The following WWOX variants were observed in gnomAD, a reference collection of about 807,000 sequenced individuals.
WWOX encodes WW domain containing oxidoreductase.
WWOX carries 69 observed loss-of-function variants against 46.2 expected under a neutral mutation model. The observed-to-expected ratio is 1.49, with a 90% CI of 1.23 to 1.82. The LOEUF is 1.82. WWOX is among the 40% of genes most tolerant of loss of function. The probability of loss-of-function intolerance (pLI) is 0.00; values close to 1 mark genes in which losing one functional copy is unlikely to be tolerated. For missense variants in WWOX, 919 were observed against 542.6 expected (o/e 1.69, Z -6.89); for synonymous variants, 359 against 202.6 (o/e 1.77, Z -6.56).
At chr16:79,037,127 C>T (rs768022421) in intron 8 of WWOX, among the ~76,000 whole-genome samples, 1 of 152,164 alleles carries the variant, frequency 6.6e-6, no homozygotes, top group Non-Finnish European at 1.5e-5. Context: ...TGTAATCTCT[C>T]TCAAGGAAGG....
intron 1 of WWOX, among the ~76,000 whole-genome samples, chr16:78,100,567 A>G (rs747190143): frequency 5.3e-5 from 8 of 152,222 alleles, no homozygotes; most frequent in Non-Finnish European, 1.0e-4. Context: ...ATTTTTTAGT[A>G]GCAGTCCTAG....
intron 8 of WWOX, among the ~76,000 whole-genome samples, chr16:78,972,539 G>T (rs1352844953): frequency 1.3e-5 from 2 of 151,694 alleles, no homozygotes; most frequent in African/African-American, 4.8e-5. Context: ...GGGGGAGGGA[G>T]GGTGAAGAGT....
At chr16:78,559,532 T>G (rs2044384063) in intron 8 of WWOX, among the ~76,000 whole-genome samples, 1 of 152,230 alleles carries the variant, frequency 6.6e-6, no homozygotes, top group Non-Finnish European at 1.5e-5. Context: ...TGGATCACCT[T>G]GTTAATATGG....
chr16:78,659,751 C>T (rs1392288977), intron 8 of WWOX, among the ~76,000 whole-genome samples: 2 of 152,128 alleles, frequency 1.3e-5, no homozygotes, highest in African/African-American at 4.8e-5. Flanking sequence ...TATTTGCCCA[C>T]ATGAAGATAG....
At chr16:79,163,736 G>T (rs562988695) in intron 8 of WWOX, among the ~76,000 whole-genome samples, 2 of 149,392 alleles carry the variant, frequency 1.3e-5, no homozygotes, top group South Asian at 4.2e-4. Flanking sequence ...GGCGGAGGTT[G>T]CAGTGAGCTG....
chr16:78,644,884 C>A (rs76243692), intron 8 of WWOX, among the ~76,000 whole-genome samples: 1 of 151,980 alleles, frequency 6.6e-6, no homozygotes, highest in African/African-American at 2.4e-5. Flanking sequence ...AAAATCGGGA[C>A]GGCATGTTAG....
intron 8 of WWOX, among the ~76,000 whole-genome samples, chr16:78,988,854 G>A (rs768529858): frequency 6.6e-6 from 1 of 152,102 alleles, no homozygotes. Flanking sequence ...ATGTTGCTGC[G>A]AGCCCCAATC....
intron 8 of WWOX, among the ~76,000 whole-genome samples, chr16:78,887,044 G>A (rs1418149475): frequency 6.7e-6 from 1 of 149,946 alleles, no homozygotes; most frequent in African/African-American, 2.5e-5. Context: ...TGGAAGTGAT[G>A]AAGTGACAGT....
intron 8 of WWOX, among the ~76,000 whole-genome samples, chr16:78,600,870 C>T (rs907270471): frequency 1.3e-5 from 2 of 152,132 alleles, no homozygotes; most frequent in African/African-American, 4.8e-5. Flanking sequence ...AATCCTCTGC[C>T]TATCGTGACA....
chr16:78,378,219 G>A lies in WWOX; in HGVS notation c.517-8641G>A, dbSNP rs181978316. ...TGTGGAATCATCTCCAAAAGTGTTT[G>A]TTTATTAAAAGCAAAGTGATAAAAT... On this transcript the variant is annotated intron_variant, in intron 5 of 8. Coordinates refer to ENST00000566780, the MANE Select transcript of WWOX (RefSeq NM_016373.4). 1.4e-3 allele frequency among the ~76,000 whole-genome samples: 210 copies of A among 152,096 alleles called. 3 individuals are homozygous for A. The Middle Eastern group carries it at 0.024, about 17-fold the overall frequency.
At chr16:78,643,090 G>T (rs769322001) in intron 8 of WWOX, among the ~76,000 whole-genome samples, 1 of 152,148 alleles carries the variant, frequency 6.6e-6, no homozygotes. Flanking sequence ...AAGATAAGGT[G>T]CTCTCCATTG....
At chr16:78,548,976 A>G (rs1018460344) in intron 8 of WWOX, among the ~76,000 whole-genome samples, 1 of 152,066 alleles carries the variant, frequency 6.6e-6, no homozygotes, top group South Asian at 2.1e-4. Context: ...TTTCCAACAG[A>G]TGGATGGGTT....
Position 78,372,055 on chromosome 16 carries a change from G to A in WWOX, c.517-14805G>A, listed in dbSNP as rs560209553. ...TTTATATTCCACTGGCCAACTCTAAGTCTCACGGCTATGCCTAATTGTGAA... is the reference window on the plus strand; with the variant it reads ...TTTATATTCCACTGGCCAACTCTAAATCTCACGGCTATGCCTAATTGTGAA... On this transcript the variant is annotated intron_variant, in intron 5 of 8. Transcript: ENST00000566780. Among the ~76,000 whole-genome samples the A allele has an allele frequency of 3.4e-4, 52 of 152,244 alleles. 1 individual carries two copies. The highest frequency in any genetic ancestry group is 2.1e-3 in the South Asian group (10 of 4,824).
chr16:78,243,796 C>T (rs75532289), intron 5 of WWOX, among the ~76,000 whole-genome samples: 9,872 of 152,278 alleles, frequency 0.065, 461 homozygotes, highest in Admixed American at 0.16. Flanking sequence ...ATCTGCCTGC[C>T]TCGGCCTCCC....
intron 8 of WWOX, among the ~76,000 whole-genome samples, chr16:78,609,870 C>G (rs2045857063): frequency 6.6e-6 from 1 of 152,124 alleles, no homozygotes; most frequent in African/African-American, 2.4e-5. Context: ...TAATTTCAAC[C>G]TTTTCTTGCT....
At chr16:78,664,123 G>A (rs2047277603) in intron 8 of WWOX, among the ~76,000 whole-genome samples, 1 of 152,184 alleles carries the variant, frequency 6.6e-6, no homozygotes, top group Admixed American at 6.5e-5. Flanking sequence ...GGATATGCTG[G>A]GAGGTGACCC....
At chr16:78,783,965 G>C (rs1177870668) in intron 8 of WWOX, among the ~76,000 whole-genome samples, 1 of 151,918 alleles carries the variant, frequency 6.6e-6, no homozygotes, top group African/African-American at 2.4e-5. Flanking sequence ...GGTGATGCTG[G>C]TGATGATGAT....
At chr16:78,134,405 G>A (rs72802991) in intron 4 of WWOX, among the ~76,000 whole-genome samples, 1,875 of 152,134 alleles carry the variant, frequency 0.012, 11 homozygotes, top group Middle Eastern at 0.02. Context: ...TATTCTGTAA[G>A]TCTTTTTGGG....
At chr16:78,555,195 A>G (rs2044265855) in intron 8 of WWOX, among the ~76,000 whole-genome samples, 2 of 142,628 alleles carry the variant, frequency 1.4e-5, no homozygotes, top group South Asian at 2.2e-4. Flanking sequence ...AAAAAATTCT[A>G]GTTTCTCAGA....
Sources: gnomAD v4.1 joint callset for allele counts (sites outside exome capture counted in the v4.1 genomes callset) on GRCh38, gnomAD v4.1.1 for gene constraint, MANE v1.5 for transcripts, NCBI Gene and HGNC (gene_info 2026-07-23, HGNC 2026-07-21) for gene names.